SLC8A1: variants seen among roughly 807,000 people sequenced by gnomAD.
The protein encoded by SLC8A1 is solute carrier family 8 member A1.
SLC8A1 carries 18 observed loss-of-function variants against 68.3 expected under a neutral mutation model. The observed-to-expected ratio is 0.26, with a 90% CI of 0.18 to 0.39. SLC8A1 has a LOEUF of 0.39. Among genes scored for constraint, SLC8A1 ranks in the 10% least tolerant of loss-of-function variants. The pLI, the probability that SLC8A1 is intolerant of heterozygous loss-of-function variation, is 1.00. For synonymous variants in SLC8A1, 475 were observed against 415.5 expected (o/e 1.14, Z -1.74); for missense variants, 985 against 1,156.7 (o/e 0.85, Z 2.15).
intron 2 of SLC8A1, among the ~76,000 whole-genome samples, chr2:40,401,212 G>A (rs1050076522): frequency 9.9e-5 from 15 of 152,282 alleles, no homozygotes; most frequent in African/African-American, 3.4e-4. Flanking sequence ...ACTTTGCAGT[G>A]TTATCTTCCA....
chr2:40,464,499 G>C (rs1703542584), intron 1 of SLC8A1, among the ~76,000 whole-genome samples: 1 of 152,218 alleles, frequency 6.6e-6, no homozygotes, highest in Non-Finnish European at 1.5e-5. Flanking sequence ...GTAAAGGGAA[G>C]AGGTTCCAAA....
exon 2 of SLC8A1, chr2:40,430,183 A>C: frequency 6.2e-7 from 1 of 1,613,836 alleles, no homozygotes; most frequent in East Asian, 2.2e-5. Flanking sequence ...CTCAGCAATT[A>C]CATGGTCCAC....
intron 2 of SLC8A1, among the ~76,000 whole-genome samples, chr2:40,242,158 G>C (rs2061310737): frequency 6.6e-6 from 1 of 152,072 alleles, no homozygotes; most frequent in Non-Finnish European, 1.5e-5. Context: ...GTGTGTGTGT[G>C]TGAGAGAGAG....
chr2:40,385,265 A>C (rs1683195672), intron 2 of SLC8A1, among the ~76,000 whole-genome samples: 1 of 152,060 alleles, frequency 6.6e-6, no homozygotes, highest in East Asian at 1.9e-4. Flanking sequence ...TTTCTAATCA[A>C]GTTTTATAAG....
At position 40,171,434 on chromosome 2, in the gene SLC8A1, T is replaced by C. The variant is rs747691481; in HGVS notation, c.1930+3391A>G. On this transcript the variant is annotated intron_variant, in intron 4 of 7. Transcript: ENST00000406785. ...GATCAAACTTACATTCTTCTCTCCA[T>C]AGTGAGCCAGAATACTTAATTTATT... 4.9e-4 allele frequency among the ~76,000 whole-genome samples: 74 copies of C among 152,350 alleles called. 1 individual carries two copies. The highest frequency in any genetic ancestry group is 2.1e-3 in the South Asian group (10 of 4,830).
chr2:40,113,865 A>C (rs1467440314), exon 8 of SLC8A1: 8 of 152,846 alleles, frequency 5.2e-5, no homozygotes, highest in African/African-American at 1.9e-4. Flanking sequence ...CACATGGCTA[A>C]TTTTCCATGA....
intron 2 of SLC8A1, among the ~76,000 whole-genome samples, chr2:40,232,243 G>T (rs1415720084): frequency 1.3e-5 from 2 of 151,948 alleles, no homozygotes; most frequent in Non-Finnish European, 2.9e-5. Context: ...CTTAACTCTG[G>T]GCACCTACAC....
chr2:40,333,362 C>T (rs926850109), intron 2 of SLC8A1, among the ~76,000 whole-genome samples: 20 of 139,928 alleles, frequency 1.4e-4, no homozygotes, highest in Admixed American at 1.0e-3. Flanking sequence ...CCCTTGAACC[C>T]GGGAGGTGGA....
chr2:40,319,566 A>G (rs992328672), intron 2 of SLC8A1, among the ~76,000 whole-genome samples: 1 of 152,120 alleles, frequency 6.6e-6, no homozygotes, highest in Non-Finnish European at 1.5e-5. Flanking sequence ...GATTAAGTGA[A>G]TGAAAGAGTA....
chr2:40,109,336 G>A (rs1293190887), exon 8 of SLC8A1: 4 of 152,072 alleles, frequency 2.6e-5, no homozygotes, highest in African/African-American at 7.2e-5. Context: ...GAGCATCAGG[G>A]ATGTGAATGT....
intron 2 of SLC8A1, among the ~76,000 whole-genome samples, chr2:40,300,930 A>G (rs1410963934): frequency 6.6e-6 from 1 of 152,162 alleles, no homozygotes; most frequent in African/African-American, 2.4e-5. Flanking sequence ...GATTTACTTG[A>G]TATTTAGTAA....
intron 2 of SLC8A1, among the ~76,000 whole-genome samples, chr2:40,368,882 CCA>C (rs2149500635): frequency 6.6e-6 from 1 of 152,098 alleles, no homozygotes; most frequent in Non-Finnish European, 1.5e-5. Flanking sequence ...AGAAATAAGA[CCA>C]CACACCCACA....
chr2:40,457,199 A>C (rs1703072678), intron 1 of SLC8A1, among the ~76,000 whole-genome samples: 1 of 152,186 alleles, frequency 6.6e-6, no homozygotes, highest in African/African-American at 2.4e-5. Flanking sequence ...TTCTTCACTA[A>C]GTTTACACAA....
chr2:40,232,344 C>G (rs983640894), intron 2 of SLC8A1, among the ~76,000 whole-genome samples: 2 of 151,028 alleles, frequency 1.3e-5, no homozygotes, highest in African/African-American at 4.9e-5. Flanking sequence ...TGATTACAGA[C>G]AGATTGTATT....
At chr2:40,266,693 C>T (rs1022915534) in intron 2 of SLC8A1, among the ~76,000 whole-genome samples, 3 of 152,184 alleles carry the variant, frequency 2.0e-5, no homozygotes, top group Non-Finnish European at 4.4e-5. Context: ...TGTACCTCAT[C>T]CTTCTCCATG....
intron 1 of SLC8A1, among the ~76,000 whole-genome samples, chr2:40,504,191 A>G (rs1220200326): frequency 6.6e-6 from 1 of 152,112 alleles, no homozygotes; most frequent in African/African-American, 2.4e-5. Context: ...AAAGTTGCCA[A>G]GAACATACAC....
intron 2 of SLC8A1, among the ~76,000 whole-genome samples, chr2:40,382,327 G>A (rs528746279): frequency 2.6e-5 from 4 of 152,204 alleles, no homozygotes; most frequent in Non-Finnish European, 4.4e-5. Context: ...AGCACAGTGA[G>A]TACATACACC....
At chr2:40,257,201 C>G (rs2064065235) in intron 2 of SLC8A1, among the ~76,000 whole-genome samples, 1 of 151,996 alleles carries the variant, frequency 6.6e-6, no homozygotes, top group Non-Finnish European at 1.5e-5. Context: ...GATCTTAGCT[C>G]ATTGGAAAAA....
intron 2 of SLC8A1, among the ~76,000 whole-genome samples, chr2:40,379,060 G>C (rs1036414947): frequency 3.3e-5 from 5 of 152,092 alleles, no homozygotes; most frequent in Admixed American, 2.6e-4. Flanking sequence ...TTTACCGCCA[G>C]TTTCCAGAAT....
Sources: gnomAD v4.1 joint callset for allele counts (sites outside exome capture counted in the v4.1 genomes callset) on GRCh38, gnomAD v4.1.1 for gene constraint, MANE v1.5 for transcripts, NCBI Gene and HGNC (gene_info 2026-07-23, HGNC 2026-07-21) for gene names.